ZFR: variants seen among roughly 807,000 people sequenced by gnomAD.
ZFR encodes zinc finger RNA binding protein.
ZFR carries 19 observed loss-of-function variants against 130.7 expected under a neutral mutation model. The observed-to-expected ratio is 0.15, with a 90% CI of 0.10 to 0.21. The LOEUF (loss-of-function observed/expected upper bound fraction) is 0.21. Among genes scored for constraint, ZFR ranks in the 10% least tolerant of loss-of-function variants. The pLI, the probability that ZFR is intolerant of heterozygous loss-of-function variation, is 1.00. For synonymous variants in ZFR, 466 were observed against 456.9 expected, an observed-to-expected ratio of 1.02 and a Z score of -0.25; for missense variants, 872 against 1,321.5, an observed-to-expected ratio of 0.66 and a Z score of 5.27.
At chr5:32,394,734 T>C (rs958049424) in intron 11 of ZFR, among the ~76,000 whole-genome samples, 4 of 152,180 alleles carry the variant, frequency 2.6e-5, no homozygotes, top group Non-Finnish European at 5.9e-5. Context: ...TTTATATATA[T>C]ATAAACAAAT....
chr5:32,401,994 G>T (rs985500242), intron 8 of ZFR, among the ~76,000 whole-genome samples: 3 of 152,136 alleles, frequency 2.0e-5, no homozygotes, highest in African/African-American at 7.2e-5. Context: ...TGAATTAATG[G>T]GTTAGAATGA....
At chr5:32,368,682 G>A (rs1356096586) in intron 17 of ZFR, among the ~76,000 whole-genome samples, 2 of 152,304 alleles carry the variant, frequency 1.3e-5, no homozygotes, top group South Asian at 4.1e-4. Context: ...CTAGCACTAG[G>A]AGTTCTGGCT....
intron 19 of ZFR, among the ~76,000 whole-genome samples, chr5:32,360,874 G>T (rs1424783918): frequency 1.3e-5 from 2 of 152,104 alleles, no homozygotes; most frequent in South Asian, 2.1e-4. Context: ...TTACAGGCAT[G>T]AGCCATTGCT....
intron 2 of ZFR, among the ~76,000 whole-genome samples, chr5:32,434,451 T>C (rs988131568): frequency 2.0e-5 from 3 of 152,222 alleles, no homozygotes; most frequent in African/African-American, 7.2e-5. Flanking sequence ...TTTTGCATTC[T>C]CAACTGTGTT....
At chr5:32,390,532 C>T in intron 11 of ZFR, 95 bp from the exon 12 acceptor site, 1 of 1,198,538 alleles carries the variant, frequency 8.3e-7, no homozygotes, top group South Asian at 2.2e-5. Flanking sequence ...AAAAACCCCA[C>T]CAACATCAGC....
chr5:32,395,367 A>C, intron 10 of ZFR, 63 bp from the exon 11 acceptor site: 2 of 1,296,090 alleles, frequency 1.5e-6, no homozygotes, highest in Non-Finnish European at 2.0e-6. Context: ...TGTATTTTTA[A>C]TCATACAATT....
chr5:32,370,333 GAGAGAGAGAGAGAGAGAGAGACAGAC>G (rs1260203010), intron 17 of ZFR, among the ~76,000 whole-genome samples: 29 of 63,392 alleles, frequency 4.6e-4, no homozygotes, highest in South Asian at 1.2e-3. Flanking sequence ...GAGAGAGAGA[GAGAGAGAGAGAGAGAGAGAGACAGAC>G]AGACAGACAG....
intron 17 of ZFR, among the ~76,000 whole-genome samples, chr5:32,378,538 G>C (rs1727957937): frequency 6.6e-6 from 1 of 152,026 alleles, no homozygotes; most frequent in African/African-American, 2.4e-5. Flanking sequence ...AGGAATCAAA[G>C]TTTCAAACAG....
chr5:32,443,243 C>A (rs1754512360), intron 2 of ZFR, among the ~76,000 whole-genome samples: 1 of 152,212 alleles, frequency 6.6e-6, no homozygotes, highest in Admixed American at 6.5e-5. Flanking sequence ...TCAAAAGTCT[C>A]AGATTGACTC....
intron 2 of ZFR, among the ~76,000 whole-genome samples, chr5:32,437,198 A>G (rs1400969504): frequency 1.3e-5 from 2 of 152,182 alleles, no homozygotes; most frequent in African/African-American, 4.8e-5. Flanking sequence ...AAAATCCTCC[A>G]ATTTCCCATT....
At chr5:32,358,961 C>A (rs1048341501) in intron 19 of ZFR, among the ~76,000 whole-genome samples, 2 of 152,018 alleles carry the variant, frequency 1.3e-5, no homozygotes, top group Non-Finnish European at 2.9e-5. Flanking sequence ...GGTGGCTAAG[C>A]ACTTTGGGAG....
At chr5:32,409,533 G>T (rs1384702941) in intron 5 of ZFR, among the ~76,000 whole-genome samples, 1 of 150,722 alleles carries the variant, frequency 6.6e-6, no homozygotes, top group Admixed American at 6.6e-5. Context: ...AGCCTCCCAA[G>T]TAGCTGGGAT....
At chr5:32,429,078 C>T (rs191381907) in intron 2 of ZFR, among the ~76,000 whole-genome samples, 5 of 149,778 alleles carry the variant, frequency 3.3e-5, no homozygotes, top group East Asian at 2.0e-4. Flanking sequence ...CTCCACCTCC[C>T]GGGTTCACGC....
At chr5:32,424,329 G>C (rs1366307836) in intron 2 of ZFR, among the ~76,000 whole-genome samples, 1 of 152,138 alleles carries the variant, frequency 6.6e-6, no homozygotes, top group Non-Finnish European at 1.5e-5. Context: ...GGATCACGAG[G>C]TCAGGAGATA....
At chr5:32,420,735 A>AAT (rs1411944495) in intron 2 of ZFR, among the ~76,000 whole-genome samples, 1 of 152,224 alleles carries the variant, frequency 6.6e-6, no homozygotes, top group East Asian at 1.9e-4. Context: ...CAGTGGATAG[A>AAT]GGCCAGGGAT....
At chr5:32,439,863 G>A (rs1754422476) in intron 2 of ZFR, among the ~76,000 whole-genome samples, 2 of 149,106 alleles carry the variant, frequency 1.3e-5, no homozygotes, top group South Asian at 4.2e-4. Context: ...ATTAATTGTG[G>A]GATATAATGG....
intron 2 of ZFR, among the ~76,000 whole-genome samples, chr5:32,436,464 C>A (rs1183932768): frequency 6.6e-6 from 1 of 151,962 alleles, no homozygotes; most frequent in Non-Finnish European, 1.5e-5. Flanking sequence ...TAGTTGTATT[C>A]TTTATTTTTC....
chr5:32,373,237 A>G (rs1332822161), intron 17 of ZFR, among the ~76,000 whole-genome samples: 2 of 152,158 alleles, frequency 1.3e-5, no homozygotes, highest in East Asian at 3.8e-4. Context: ...TACTAAAAAT[A>G]CAAAAATTAG....
At chr5:32,380,894 C>G (rs189683844) in intron 15 of ZFR, among the ~76,000 whole-genome samples, 1 of 151,456 alleles carries the variant, frequency 6.6e-6, no homozygotes, top group South Asian at 2.1e-4. Context: ...AAGTGATACA[C>G]CCGCCTCGGC....
Sources: gnomAD v4.1 joint callset for allele counts (sites outside exome capture counted in the v4.1 genomes callset) on GRCh38, gnomAD v4.1.1 for gene constraint, MANE v1.5 for transcripts, NCBI Gene and HGNC (gene_info 2026-07-23, HGNC 2026-07-21) for gene names.